The following CSGALNACT1 variants were observed in gnomAD, a reference collection of about 807,000 sequenced individuals.
CSGALNACT1 encodes beta4GalNAcT-1.
CSGALNACT1 carries 52 observed loss-of-function variants against 51.0 expected under a neutral mutation model. The observed-to-expected ratio is 1.02, with a 90% CI of 0.82 to 1.29. The LOEUF is 1.29. Among genes scored for constraint, CSGALNACT1 ranks in the 50% most tolerant of loss-of-function variants. CSGALNACT1 has a pLI of 0.00. For missense variants in CSGALNACT1, 935 were observed against 679.2 expected (o/e 1.38, Z -4.19); for synonymous variants, 341 against 254.4 (o/e 1.34, Z -3.24).
chr8:19,722,320 C>T (rs1326074050), intron 1 of CSGALNACT1, among the ~76,000 whole-genome samples: 2 of 152,064 alleles, frequency 1.3e-5, no homozygotes, highest in East Asian at 1.9e-4. Context: ...ATGAATTAAT[C>T]GATTAGCTTT....
chr8:19,476,548 A>G (rs879369114), intron 4 of CSGALNACT1, among the ~76,000 whole-genome samples: 14 of 151,876 alleles, frequency 9.2e-5, no homozygotes, highest in South Asian at 2.1e-4. Context: ...AGCCTCCCCA[A>G]TATTTTTTTT....
In CSGALNACT1 at chr8:19,473,234, A is replaced by C. The variant is rs1310887137; in HGVS notation, c.635-14592T>G. Among the ~76,000 whole-genome samples, 3 of 152,364 alleles carry C rather than the reference A, an allele frequency of 2.0e-5. No individual in the cohort carries two copies. The East Asian group carries it at 5.8e-4, about 29-fold the overall frequency. Reference sequence around the variant, plus strand: ...AATATTCGGGTCAAGGCAATGTTTTAGCAAGATTGCTAGAGGATTTTTTTG... The same window carrying C: ...AATATTCGGGTCAAGGCAATGTTTTCGCAAGATTGCTAGAGGATTTTTTTG... On this transcript the variant is annotated intron_variant, in intron 4 of 9. Coordinates refer to ENST00000454498, the Ensembl canonical transcript of CSGALNACT1.
At chr8:19,566,024 T>C (rs996312092) in intron 3 of CSGALNACT1, among the ~76,000 whole-genome samples, 6 of 152,184 alleles carry the variant, frequency 3.9e-5, no homozygotes, top group East Asian at 1.9e-4. Context: ...ACGTTGTAAA[T>C]AGGATGGCTG....
chr8:19,433,670 T>G (rs1265211455), intron 6 of CSGALNACT1, among the ~76,000 whole-genome samples: 1 of 152,198 alleles, frequency 6.6e-6, no homozygotes, highest in Non-Finnish European at 1.5e-5. Flanking sequence ...GTTCAAATAG[T>G]GACAACTCTC....
intron 3 of CSGALNACT1, among the ~76,000 whole-genome samples, chr8:19,567,656 A>C (rs1228216056): frequency 6.6e-6 from 1 of 152,238 alleles, no homozygotes; most frequent in African/African-American, 2.4e-5. Flanking sequence ...AATAAATGTG[A>C]AAATATAAGA....
chr8:19,696,187 G>A (rs181674986), intron 1 of CSGALNACT1, among the ~76,000 whole-genome samples: 69 of 152,298 alleles, frequency 4.5e-4, no homozygotes, highest in African/African-American at 1.5e-3. Flanking sequence ...CTAGGTTACT[G>A]CCATCAGGAC....
At chr8:19,594,541 C>T (rs995701173) in intron 2 of CSGALNACT1, among the ~76,000 whole-genome samples, 1 of 151,996 alleles carries the variant, frequency 6.6e-6, no homozygotes, top group African/African-American at 2.4e-5. Context: ...TAGTCCACAC[C>T]CAGGCACCGT....
intron 1 of CSGALNACT1, among the ~76,000 whole-genome samples, chr8:19,667,192 G>A (rs1304054667): frequency 6.6e-6 from 1 of 151,648 alleles, no homozygotes; most frequent in East Asian, 1.9e-4. Context: ...AGGCAGAAGT[G>A]GGTGGATCGC....
Position 19,602,056 on chromosome 8 carries a change from T to TA in CSGALNACT1, c.-576dup, listed in dbSNP as rs201423906. On this transcript the variant is annotated 5_prime_UTR_variant, in exon 1 of 10. Coordinates refer to ENST00000454498, the Ensembl canonical transcript of CSGALNACT1. ...ATGAATAAAATGCAAACTATTTGTT[T>TA]AAAAAAAAATCAAGGCTTTAAACAG... The TA allele has an allele frequency of 2.2e-3, 682 of 310,160 alleles. 15 individuals are homozygous for TA. The East Asian group carries it at 0.043, about 19-fold the overall frequency. 19.2% of individuals were successfully genotyped at this position (310,160 alleles called of 1,614,324 possible). A position where few individuals can be genotyped will look rare whatever the true frequency, so the allele number is the denominator to read the frequency against.
chr8:19,650,249 A>T (rs1437702868), intron 1 of CSGALNACT1, among the ~76,000 whole-genome samples: 1 of 152,220 alleles, frequency 6.6e-6, no homozygotes, highest in Non-Finnish European at 1.5e-5. Flanking sequence ...ATCAAATTGA[A>T]ACTATTAAAA....
At chr8:19,653,387 C>A (rs1274951978) in intron 1 of CSGALNACT1, among the ~76,000 whole-genome samples, 1 of 152,156 alleles carries the variant, frequency 6.6e-6, no homozygotes, top group Non-Finnish European at 1.5e-5. Context: ...GTCCCATTGT[C>A]CCCCTCAGAC....
At chr8:19,482,504 T>A (rs1397214056) in intron 4 of CSGALNACT1, among the ~76,000 whole-genome samples, 1 of 152,110 alleles carries the variant, frequency 6.6e-6, no homozygotes, top group Non-Finnish European at 1.5e-5. Context: ...TGTAAATTCT[T>A]ATCTCGTACT....
At chr8:19,431,249 A>G (rs903934465) in intron 6 of CSGALNACT1, among the ~76,000 whole-genome samples, 5 of 152,044 alleles carry the variant, frequency 3.3e-5, no homozygotes, top group African/African-American at 1.2e-4. Context: ...TCTTGATCTT[A>G]TGGGGAGAAC....
intron 3 of CSGALNACT1, among the ~76,000 whole-genome samples, chr8:19,542,200 A>AACACACACACAAAC (rs547601389): frequency 6.9e-6 from 1 of 143,940 alleles, no homozygotes; most frequent in Non-Finnish European, 1.5e-5. Flanking sequence ...CAGCACAAGA[A>AACACACACACAAAC]ACACACACAC....
intron 5 of CSGALNACT1, among the ~76,000 whole-genome samples, chr8:19,451,853 T>C (rs1375092419): frequency 6.6e-6 from 1 of 152,166 alleles, no homozygotes; most frequent in Admixed American, 6.5e-5. Context: ...ATAGGGCCCA[T>C]CTGGACCAAG....
intron 3 of CSGALNACT1, among the ~76,000 whole-genome samples, chr8:19,582,333 C>T (rs1388148855): frequency 1.3e-5 from 2 of 152,190 alleles, no homozygotes; most frequent in African/African-American, 4.8e-5. Context: ...TGAAAGACTA[C>T]TTAGATAATA....
At chr8:19,603,028 T>A, upstream of CSGALNACT1, among the ~76,000 whole-genome samples, 2 of 132,054 alleles carry the variant, frequency 1.5e-5, no homozygotes, top group East Asian at 2.2e-4. Context: ...AAACATACAA[T>A]TTGCTATTAC....
At chr8:19,524,344 A>G (rs936386676) in intron 3 of CSGALNACT1, among the ~76,000 whole-genome samples, 1 of 152,074 alleles carries the variant, frequency 6.6e-6, no homozygotes, top group Non-Finnish European at 1.5e-5. Context: ...CCCCACTCCA[A>G]TTCCGCTATT....
intron 1 of CSGALNACT1, among the ~76,000 whole-genome samples, chr8:19,693,478 T>C (rs1158455361): frequency 6.6e-6 from 1 of 152,160 alleles, no homozygotes; most frequent in Non-Finnish European, 1.5e-5. Flanking sequence ...TCTTTGTAAC[T>C]AAGTACTTTC....
Sources: allele counts gnomAD v4.1 joint callset (sites outside exome capture counted in the v4.1 genomes callset), GRCh38; gene constraint gnomAD v4.1.1; transcripts MANE v1.5; gene names NCBI Gene and HGNC (gene_info 2026-07-23, HGNC 2026-07-21).